The following ANXA4 variants were observed in gnomAD, a reference collection of about 807,000 sequenced individuals.
ANXA4 encodes the protein 35-beta calcimedin.
Under a neutral mutation model 49.8 loss-of-function variants are expected in ANXA4, and 39 were observed. The ratio of observed to expected loss-of-function variants is 0.78; its 90% CI spans 0.61 to 1.02. The LOEUF is 1.02. ANXA4 is among the 50% of genes least tolerant of loss of function. The pLI is 0.00. For missense variants in ANXA4, 360 were observed against 410.1 expected (o/e 0.88, Z 1.05); for synonymous variants, 134 against 152.5 (o/e 0.88, Z 0.89).
At chr2:69,681,803 T>C (rs1449872404) in intron 2 of ANXA4, among the ~76,000 whole-genome samples, 2 of 152,118 alleles carry the variant, frequency 1.3e-5, no homozygotes, top group Non-Finnish European at 2.9e-5. Flanking sequence ...TTATTATTAA[T>C]TTTATTCTAC....
At chr2:69,757,199 G>A (rs1314682732) in intron 1 of ANXA4, among the ~76,000 whole-genome samples, 1 of 143,380 alleles carries the variant, frequency 7.0e-6, no homozygotes, top group Non-Finnish European at 1.5e-5. Context: ...AAAATGCTGG[G>A]ATTACAGGTG....
intron 3 of ANXA4, among the ~76,000 whole-genome samples, chr2:69,801,434 G>A (rs776444756): frequency 6.6e-5 from 10 of 150,466 alleles, no homozygotes; most frequent in Non-Finnish European, 1.0e-4. Flanking sequence ...ATGGGGCCTC[G>A]CTCTGTCACT....
intron 1 of ANXA4, among the ~76,000 whole-genome samples, chr2:69,645,602 G>GTCCA (rs1573043993): frequency 6.6e-6 from 1 of 152,120 alleles, no homozygotes; most frequent in African/African-American, 2.4e-5. Context: ...TACCAGACTA[G>GTCCA]TCCAGGCTTA....
At chr2:69,768,436 TAA>T (rs1404359591) in intron 1 of ANXA4, among the ~76,000 whole-genome samples, 1 of 152,136 alleles carries the variant, frequency 6.6e-6, no homozygotes, top group Non-Finnish European at 1.5e-5. Context: ...AGAAAGGTCG[TAA>T]AGTCTTTACA....
intron 3 of ANXA4, among the ~76,000 whole-genome samples, chr2:69,728,425 T>A (rs1473548216): frequency 6.6e-6 from 1 of 152,248 alleles, no homozygotes; most frequent in Non-Finnish European, 1.5e-5. Flanking sequence ...TAGTCTTTTT[T>A]ATGTCCAGTT....
At chr2:69,714,105 C>G (rs1190885785) in intron 2 of ANXA4, among the ~76,000 whole-genome samples, 3 of 152,208 alleles carry the variant, frequency 2.0e-5, no homozygotes. Flanking sequence ...TTGAAGACAT[C>G]TGAGCCTGGA....
chr2:69,771,012 T>A (rs574110551), intron 1 of ANXA4, among the ~76,000 whole-genome samples: 2 of 146,880 alleles, frequency 1.4e-5, no homozygotes, highest in South Asian at 4.2e-4. Context: ...CAGGATCTCT[T>A]GAGCTAAGTA....
At chr2:69,714,834 A>G (rs749381870) in intron 2 of ANXA4, among the ~76,000 whole-genome samples, 2 of 152,170 alleles carry the variant, frequency 1.3e-5, no homozygotes, top group South Asian at 2.1e-4. Flanking sequence ...CTTGTCCACA[A>G]CGCCCCCTGC....
At chr2:69,706,061 A>T (rs145267666) in intron 2 of ANXA4, among the ~76,000 whole-genome samples, 1 of 151,978 alleles carries the variant, frequency 6.6e-6, no homozygotes, top group Non-Finnish European at 1.5e-5. Context: ...AAGAAAAAGC[A>T]TAATATCTTC....
rs765176372 is a variant in ANXA4, at chr2:69,808,004, A to G, written c.397+8A>G. ...GCCAAACCTACCAGCAGCGTACGTG[A>G]CATCCGCAGTGGCCCTGGCTGAGGT... On this transcript the variant is annotated splice_region_variant and intron_variant, in intron 6 of 12. Coordinates refer to ENST00000394295, the MANE Select transcript of ANXA4 (RefSeq NM_001153.5). 6.2e-7 allele frequency: 1 copy of G among 1,613,790 alleles called. No homozygotes were observed. Among genetic ancestry groups the G allele is most frequent in the South Asian group, 1.1e-5 (1 of 91,064 alleles).
At chr2:69,694,712 T>G (rs4852922) in intron 2 of ANXA4, among the ~76,000 whole-genome samples, 20,650 of 151,924 alleles carry the variant, frequency 0.14, 2,037 homozygotes, top group East Asian at 0.37. Flanking sequence ...AAATACCCAG[T>G]CTATGGCAGC....
intron 2 of ANXA4, among the ~76,000 whole-genome samples, chr2:69,667,224 T>C (rs565356703): frequency 2.0e-5 from 3 of 152,230 alleles, no homozygotes; most frequent in African/African-American, 7.2e-5. Flanking sequence ...TTTGAAGTGA[T>C]ACAAGTGTTC....
chr2:69,802,618 G>A (rs987495484), intron 3 of ANXA4, among the ~76,000 whole-genome samples: 7 of 151,786 alleles, frequency 4.6e-5, no homozygotes, highest in Non-Finnish European at 8.8e-5. Flanking sequence ...GGCTGAGGCA[G>A]GAGAATCGCT....
intron 1 of ANXA4, among the ~76,000 whole-genome samples, chr2:69,762,179 A>G (rs995666098): frequency 4.6e-5 from 7 of 152,332 alleles, no homozygotes; most frequent in Non-Finnish European, 8.8e-5. Context: ...TTGCTCAGAA[A>G]CATGCAGCTG....
chr2:69,704,830 A>G (rs1308413254), intron 2 of ANXA4, among the ~76,000 whole-genome samples: 2 of 152,160 alleles, frequency 1.3e-5, no homozygotes, highest in African/African-American at 4.8e-5. Context: ...AATCTCCCCC[A>G]GATTCCTAAC....
At chr2:69,702,024 A>T (rs867306916) in intron 2 of ANXA4, among the ~76,000 whole-genome samples, 1 of 151,814 alleles carries the variant, frequency 6.6e-6, no homozygotes, top group African/African-American at 2.4e-5. Context: ...ATTTATATAT[A>T]TTTTTGAGAC....
intron 1 of ANXA4, among the ~76,000 whole-genome samples, chr2:69,651,207 G>A (rs927071174): frequency 1.3e-5 from 2 of 152,136 alleles, no homozygotes; most frequent in African/African-American, 4.8e-5. Context: ...ATGAGGAAAA[G>A]AACAGGTGAG....
intron 3 of ANXA4, among the ~76,000 whole-genome samples, chr2:69,793,903 A>G (rs1672807011): frequency 1.3e-5 from 2 of 152,250 alleles, no homozygotes; most frequent in Middle Eastern, 3.4e-3. Context: ...ATTTAAGAAG[A>G]TTTATGAAGA....
chr2:69,805,654 A>G (rs534825427), intron 4 of ANXA4, among the ~76,000 whole-genome samples: 286 of 152,114 alleles, frequency 1.9e-3, no homozygotes, highest in Middle Eastern at 0.017. Flanking sequence ...AGAAATCTCC[A>G]CAGCTGCTAA....
Sources: allele counts gnomAD v4.1 joint callset (sites outside exome capture counted in the v4.1 genomes callset), GRCh38; gene constraint gnomAD v4.1.1; transcripts MANE v1.5; gene names NCBI Gene and HGNC (gene_info 2026-07-23, HGNC 2026-07-21).